The following CHCHD3 variants were observed in gnomAD, a reference collection of about 807,000 sequenced individuals.
The protein encoded by CHCHD3 is MICOS complex subunit MIC19.
Under a neutral mutation model 38.2 loss-of-function variants are expected in CHCHD3, and 20 were observed. That is an observed-to-expected ratio of 0.52 (90% confidence interval 0.37 to 0.76). The LOEUF is 0.76. Ranked by LOEUF, CHCHD3 falls within the 30% of genes least tolerant of loss-of-function variation. The pLI is 0.00. For synonymous variants in CHCHD3, 82 were observed against 100.0 expected (o/e 0.82, Z 1.07); for missense variants, 245 against 279.2 (o/e 0.88, Z 0.87).
intron 4 of CHCHD3, among the ~76,000 whole-genome samples, chr7:132,926,103 A>G (rs1317717823): frequency 1.3e-5 from 2 of 152,244 alleles, no homozygotes; most frequent in Non-Finnish European, 2.9e-5. Context: ...AGTTTCTTGC[A>G]TAGGAATCAG....
chr7:133,007,910 A>T (rs1812743701), intron 3 of CHCHD3, among the ~76,000 whole-genome samples: 1 of 152,218 alleles, frequency 6.6e-6, no homozygotes, highest in Non-Finnish European at 1.5e-5. Context: ...CCTATTAACA[A>T]GATGTTCTAC....
intron 2 of CHCHD3, among the ~76,000 whole-genome samples, chr7:133,031,784 T>C (rs1156238172): frequency 6.6e-6 from 1 of 152,194 alleles, no homozygotes; most frequent in African/African-American, 2.4e-5. Flanking sequence ...TGTACCTGCA[T>C]AATATAAGCA....
intron 4 of CHCHD3, among the ~76,000 whole-genome samples, chr7:132,899,752 A>G (rs1348136732): frequency 1.3e-5 from 2 of 152,266 alleles, no homozygotes; most frequent in African/African-American, 4.8e-5. Context: ...CTCATGGTCT[A>G]TAGCAGATCA....
At position 132,925,546 on chromosome 7, in the gene CHCHD3, C is replaced by T. The variant is rs117357233; in HGVS notation, c.370-39801G>A. Among the ~76,000 whole-genome samples, 268 of 152,288 alleles carry T rather than the reference C, an allele frequency of 1.8e-3. 1 individual carries two copies. The highest frequency in any genetic ancestry group is 3.4e-3 in the Non-Finnish European group (230 of 68,020). On this transcript the variant is annotated intron_variant, in intron 4 of 7. Transcript: ENST00000262570. ...CACGGGTCCCCATCCCCACTTCATC[C>T]CCAAGTTACACCTTCAGGACAGTAA... is the stretch of plus-strand genomic sequence containing the variant.
At chr7:132,921,568 T>C (rs12534058) in intron 4 of CHCHD3, among the ~76,000 whole-genome samples, 30,577 of 151,994 alleles carry the variant, frequency 0.2, 3,457 homozygotes, top group South Asian at 0.27. Context: ...TAGGTAAATA[T>C]ACTGAAATAA....
intron 4 of CHCHD3, among the ~76,000 whole-genome samples, chr7:132,899,333 A>T (rs1809604806): frequency 6.6e-6 from 1 of 152,208 alleles, no homozygotes; most frequent in Non-Finnish European, 1.5e-5. Flanking sequence ...GGAAAATCTT[A>T]GCCAGGCTGA....
At chr7:132,889,070 T>C (rs1043975745) in intron 4 of CHCHD3, among the ~76,000 whole-genome samples, 3 of 152,102 alleles carry the variant, frequency 2.0e-5, no homozygotes, top group African/African-American at 7.2e-5. Flanking sequence ...ATATTCCATA[T>C]GTTTACACTT....
intron 6 of CHCHD3, among the ~76,000 whole-genome samples, chr7:132,806,128 G>A (rs973813784): frequency 3.3e-5 from 5 of 152,156 alleles, no homozygotes; most frequent in African/African-American, 1.2e-4. Context: ...AACTGACCGT[G>A]GAGAGAACTG....
intron 4 of CHCHD3, among the ~76,000 whole-genome samples, chr7:132,898,692 G>A (rs1001796148): frequency 6.6e-6 from 1 of 152,258 alleles, no homozygotes; most frequent in African/African-American, 2.4e-5. Context: ...CCGCACAGGA[G>A]CCCACGGAGC....
At position 132,985,364 on chromosome 7, in the gene CHCHD3, C is replaced by T. The variant is rs1436360181; in HGVS notation, c.252-10078G>A. Among the ~76,000 whole-genome samples the T allele has an allele frequency of 2.6e-4, 18 of 68,058 alleles. 1 individual carries two copies. The highest frequency in any genetic ancestry group is 1.2e-3 in the East Asian group (2 of 1,656). 44.6% of individuals were successfully genotyped at this position (68,058 alleles called of 152,430 possible). A position where few individuals can be genotyped will look rare whatever the true frequency, so the allele number is the denominator to read the frequency against. On this transcript the variant is annotated intron_variant, in intron 3 of 7. Transcript: ENST00000262570. ...CCTCTGCCCGGCCAGCCGCCCCGTC[C>T]GGGAAGGAGGTGGGGGGGTCAGCCC...
At chr7:133,028,957 G>A (rs1211616550) in intron 2 of CHCHD3, among the ~76,000 whole-genome samples, 7 of 151,512 alleles carry the variant, frequency 4.6e-5, no homozygotes, top group East Asian at 3.9e-4. Context: ...CCCTCACCAC[G>A]TGATGCCCCG....
chr7:132,841,776 G>T (rs182147770), intron 5 of CHCHD3, among the ~76,000 whole-genome samples: 216 of 152,250 alleles, frequency 1.4e-3, no homozygotes, highest in Non-Finnish European at 2.5e-3. Context: ...TGAGGTGTGG[G>T]CGTGCAGCTA....
In CHCHD3 at chr7:132,869,511, G is replaced by T. The variant is rs143488304; in HGVS notation, c.453+16151C>A. 5.7e-3 allele frequency among the ~76,000 whole-genome samples: 870 copies of T among 152,232 alleles called. 7 individuals carry two copies. Among genetic ancestry groups the T allele is most frequent in the African/African-American group, 0.02 (832 of 41,544 alleles). On this transcript the variant is annotated intron_variant, in intron 5 of 7. Transcript: ENST00000262570. ...TAAGCTTATGTGCACTAAATTATCA[G>T]ACTTCTAACTTTGATATACACAATT... is the stretch of plus-strand genomic sequence containing the variant.
chr7:132,842,564 A>G (rs1395312597), intron 5 of CHCHD3, among the ~76,000 whole-genome samples: 7 of 152,176 alleles, frequency 4.6e-5, no homozygotes, highest in Non-Finnish European at 7.3e-5. Context: ...CCTATGTTGT[A>G]TTAATTGCCA....
intron 2 of CHCHD3, among the ~76,000 whole-genome samples, chr7:133,049,442 T>A (rs749931996): frequency 5.3e-5 from 8 of 152,240 alleles, no homozygotes; most frequent in Non-Finnish European, 1.0e-4. Context: ...TTAATTAAAC[T>A]TAATAAATCC....
rs146801551 is a variant in CHCHD3, at chr7:133,008,116, T to C, written c.251+16430A>G. Among the ~76,000 whole-genome samples, 696 of 152,334 alleles carry C rather than the reference T, an allele frequency of 4.6e-3. 5 individuals carry two copies. Among genetic ancestry groups the C allele is most frequent in the African/African-American group, 0.016 (664 of 41,578 alleles). On this transcript the variant is annotated intron_variant, in intron 3 of 7. Coordinates refer to ENST00000262570, the MANE Select transcript of CHCHD3 (RefSeq NM_017812.4). The stretch of plus-strand genomic sequence containing the variant: ...AGATAAGAATAGTGCAACCAATTCA[T>C]GACTGGACAACACCCTTAAGATGAC...
chr7:132,984,615 G>C (rs1812032727), intron 3 of CHCHD3, among the ~76,000 whole-genome samples: 1 of 150,224 alleles, frequency 6.7e-6, no homozygotes, highest in Admixed American at 6.6e-5. Context: ...TCTAGGAAGT[G>C]AGGAGCGTCT....
intron 3 of CHCHD3, among the ~76,000 whole-genome samples, chr7:132,988,738 C>A (rs926126836): frequency 6.6e-6 from 1 of 151,414 alleles, no homozygotes; most frequent in Admixed American, 6.6e-5. Flanking sequence ...ACATAGTGAG[C>A]CCCCATCTCT....
chr7:132,851,855 G>A (rs762219819), intron 5 of CHCHD3, among the ~76,000 whole-genome samples: 5 of 152,132 alleles, frequency 3.3e-5, no homozygotes, highest in African/African-American at 7.2e-5. Flanking sequence ...TGTCACATTC[G>A]TATTGCCAAC....
Sources: gnomAD v4.1 joint callset for allele counts (sites outside exome capture counted in the v4.1 genomes callset) on GRCh38, gnomAD v4.1.1 for gene constraint, MANE v1.5 for transcripts, NCBI Gene and HGNC (gene_info 2026-07-23, HGNC 2026-07-21) for gene names.